ARHGEF7: variants seen among roughly 807,000 people sequenced by gnomAD.
The protein encoded by ARHGEF7 is PAK-interacting exchange factor beta.
ARHGEF7 carries 33 observed loss-of-function variants against 109.8 expected under a neutral mutation model. The observed-to-expected ratio is 0.30, with a 90% CI of 0.23 to 0.40. The LOEUF is 0.40. ARHGEF7 is among the 10% of genes least tolerant of loss of function. The pLI is 1.00. For missense variants in ARHGEF7, 938 were observed against 1,098.5 expected, an observed-to-expected ratio of 0.85 and a Z score of 2.07; for synonymous variants, 458 against 424.6, an observed-to-expected ratio of 1.08 and a Z score of -0.97.
chr13:111,210,042 A>G, intron 4 of ARHGEF7, 40 bp downstream of exon 4: 1 of 1,613,272 alleles, frequency 6.2e-7, no homozygotes, highest in Non-Finnish European at 8.5e-7. Flanking sequence ...ATGTTTGGGA[A>G]GGATATGAGT....
chr13:111,243,169 G>A (rs1479570431), intron 6 of ARHGEF7, among the ~76,000 whole-genome samples: 1 of 152,066 alleles, frequency 6.6e-6, no homozygotes, highest in Non-Finnish European at 1.5e-5. Context: ...ATTCACTAGG[G>A]AAAGTCTGTA....
At chr13:111,276,414 A>G (rs1037348242) in intron 12 of ARHGEF7, among the ~76,000 whole-genome samples, 2 of 152,328 alleles carry the variant, frequency 1.3e-5, no homozygotes, top group African/African-American at 2.4e-5. Context: ...CCCCTTCTAC[A>G]TAGTCTTGTA....
chr13:111,123,864 C>G lies in ARHGEF7; in HGVS notation c.165+8173C>G, dbSNP rs935306765. On this transcript the variant is annotated intron_variant, in intron 1 of 21. Transcript: ENST00000646102. ...GCCATCGTTGGCTGGTGGGCTGCGC[C>G]CCCCCCCCCCGGCCCCGCCCCCTGC... Among the ~76,000 whole-genome samples the G allele has an allele frequency of 1.1e-3, 37 of 32,808 alleles. 3 individuals are homozygous for G. In the East Asian group the frequency reaches 0.019, roughly 17 times the overall value. 21.5% of individuals were successfully genotyped at this position (32,808 alleles called of 152,430 possible).
chr13:111,291,296 C>A (rs1273499213), intron 18 of ARHGEF7, among the ~76,000 whole-genome samples: 4 of 152,276 alleles, frequency 2.6e-5, no homozygotes, highest in Non-Finnish European at 5.9e-5. Flanking sequence ...TTATTTCTCT[C>A]CTGACATGTT....
At chr13:111,174,227 A>G (rs2077887312) in intron 2 of ARHGEF7, among the ~76,000 whole-genome samples, 1 of 152,234 alleles carries the variant, frequency 6.6e-6, no homozygotes, top group Non-Finnish European at 1.5e-5. Flanking sequence ...GGATAATTAA[A>G]ATTGGTTACT....
rs1431601504 is a variant in ARHGEF7, at chr13:111,304,770, C to T, written c.*1657C>T. The T allele has an allele frequency of 6.6e-6, 1 of 152,280 alleles. No homozygotes were observed. The highest frequency in any genetic ancestry group is 6.5e-5 in the Admixed American group (1 of 15,290). 9.4% of individuals were successfully genotyped at this position (152,280 alleles called of 1,614,324 possible). A position where few individuals can be genotyped will look rare whatever the true frequency, so the allele number is the denominator to read the frequency against. On this transcript the variant is annotated 3_prime_UTR_variant, in exon 22 of 22. Transcript: ENST00000646102. ...CCTGCCCCATGCTGCAGAACCTGGCCTCACCTGGACTTTTCACTAGAATTG... is the reference window on the plus strand; with the variant it reads ...CCTGCCCCATGCTGCAGAACCTGGCTTCACCTGGACTTTTCACTAGAATTG...
chr13:111,236,395 T>G (rs1316015597), intron 6 of ARHGEF7, among the ~76,000 whole-genome samples: 1 of 152,166 alleles, frequency 6.6e-6, no homozygotes, highest in Non-Finnish European at 1.5e-5. Context: ...CTTTCTTGCA[T>G]GTCCTATGAT....
intron 5 of ARHGEF7, among the ~76,000 whole-genome samples, chr13:111,221,493 A>ATATATATATCTATATATAGATATATATC (rs2084223656): frequency 6.9e-5 from 3 of 43,584 alleles, no homozygotes; most frequent in Non-Finnish European, 1.4e-4. Flanking sequence ...ATATATAGAC[A>ATATATATATCTATATATAGATATATATC]TATATATATC....
At chr13:111,121,708 G>T (rs934764326) in intron 1 of ARHGEF7, among the ~76,000 whole-genome samples, 3 of 152,228 alleles carry the variant, frequency 2.0e-5, no homozygotes, top group Non-Finnish European at 4.4e-5. Flanking sequence ...GAACCCACGG[G>T]TCCCTGCCTG....
intron 2 of ARHGEF7, among the ~76,000 whole-genome samples, chr13:111,172,091 C>T (rs1255250338): frequency 1.3e-5 from 2 of 152,146 alleles, no homozygotes; most frequent in Non-Finnish European, 2.9e-5. Flanking sequence ...CATCAGTACA[C>T]GGTACCCTGA....
chr13:111,244,248 T>C lies in ARHGEF7; in HGVS notation c.904T>C (p.Cys302Arg), dbSNP rs1445362103. Residue 302 changes from cysteine (C) to arginine (R), a missense_variant, in exon 8 of 22, where the codon TGT (cysteine) becomes CGT (arginine). Cys to Arg is a radical substitution (Grantham distance 180). Around this residue, in one of 4 missense-constraint regions of ARHGEF7, gnomAD observed 585 missense variants for 723.6 expected, o/e 0.81. Transcript: ENST00000646102. ...TTTAATGGGAAATCTAGAAGAAATA[T>C]GTTCTTTCCAGCAAATGCTCGTACA... ...SYLMGNLEEICSFQQMLVQSL... is the reference protein window; with the variant it reads ...SYLMGNLEEIRSFQQMLVQSL... 3.1e-6 allele frequency: 5 copies of C among 1,609,974 alleles called. No individual in the cohort carries two copies. The Admixed American group carries it at 5.1e-5, about 16-fold the overall frequency.
intron 2 of ARHGEF7, chr13:111,203,077 T>A: frequency 2.3e-6 from 3 of 1,280,650 alleles, no homozygotes; most frequent in African/African-American, 1.5e-5. Context: ...TCACATCCTG[T>A]TATTCTGGGT....
At chr13:111,126,824 C>T (rs1413369613) in intron 1 of ARHGEF7, among the ~76,000 whole-genome samples, 2 of 152,136 alleles carry the variant, frequency 1.3e-5, no homozygotes, top group Non-Finnish European at 2.9e-5. Context: ...ACACCACTCA[C>T]CCTGCACATA....
At chr13:111,189,609 C>T (rs533003097) in intron 2 of ARHGEF7, among the ~76,000 whole-genome samples, 15 of 152,272 alleles carry the variant, frequency 9.9e-5, no homozygotes, top group African/African-American at 3.4e-4. Context: ...ACAAAGCTTC[C>T]ACAGCGTGGA....
intron 2 of ARHGEF7, among the ~76,000 whole-genome samples, chr13:111,202,083 T>C (rs2081273719): frequency 6.6e-6 from 1 of 152,220 alleles, no homozygotes; most frequent in Admixed American, 6.5e-5. Flanking sequence ...GCACATTTAA[T>C]TCACTTAAAT....
At chr13:111,146,657 GT>G (rs1051763051) in intron 1 of ARHGEF7, among the ~76,000 whole-genome samples, 1 of 152,064 alleles carries the variant, frequency 6.6e-6, no homozygotes, top group Non-Finnish European at 1.5e-5. Context: ...TTCTGTAGTG[GT>G]TTTTTTACTC....
At chr13:111,149,336 A>G (rs1277744028) in intron 1 of ARHGEF7, among the ~76,000 whole-genome samples, 1 of 152,120 alleles carries the variant, frequency 6.6e-6, no homozygotes, top group Non-Finnish European at 1.5e-5. Flanking sequence ...ATGGTAACAT[A>G]TTGTTTTCAT....
At chr13:111,183,944 G>C (rs1008133896) in intron 2 of ARHGEF7, among the ~76,000 whole-genome samples, 1 of 152,158 alleles carries the variant, frequency 6.6e-6, no homozygotes, top group African/African-American at 2.4e-5. Context: ...GCCGGGTGCG[G>C]GTGGGACTGC....
At chr13:111,223,723 A>G (rs1357006177) in intron 5 of ARHGEF7, among the ~76,000 whole-genome samples, 3 of 152,208 alleles carry the variant, frequency 2.0e-5, no homozygotes, top group Non-Finnish European at 1.5e-5. Flanking sequence ...GATCTTTCTA[A>G]TGCTTGTGTC....
Sources: gnomAD v4.1 joint callset for allele counts (sites outside exome capture counted in the v4.1 genomes callset) on GRCh38, gnomAD v4.1.1 for gene constraint, gnomAD v4.1.1 regional missense constraint, MANE v1.5 for transcripts, NCBI Gene and HGNC (gene_info 2026-07-23, HGNC 2026-07-21) for gene names.